ARHGEF11: variants seen among roughly 807,000 people sequenced by gnomAD.
The protein encoded by ARHGEF11 is Rho guanine exchange factor (GEF) 11.
A neutral mutation model predicts 193.7 loss-of-function variants in ARHGEF11; 55 were observed. The observed-to-expected ratio is 0.28, with a 90% CI of 0.23 to 0.36. The LOEUF (loss-of-function observed/expected upper bound fraction) is 0.36, where lower values mean the gene tolerates loss of function less well. ARHGEF11 is among the 10% of genes least tolerant of loss of function. The pLI, the probability that ARHGEF11 is intolerant of heterozygous loss-of-function variation, is 1.00. For synonymous variants in ARHGEF11, 693 were observed against 768.0 expected (o/e 0.90, Z 1.62); for missense variants, 1,723 against 2,005.6 (o/e 0.86, Z 2.69).
chr1:156,968,225 G>A, intron 10 of ARHGEF11, 101 bp from the exon 11 acceptor site: 1 of 1,329,968 alleles, frequency 7.5e-7, no homozygotes, highest in Non-Finnish European at 1.0e-6. Context: ...TATAACATCA[G>A]CTAAGAGAAG....
At chr1:156,978,628 C>T (rs774273706) in intron 5 of ARHGEF11, among the ~76,000 whole-genome samples, 2 of 152,192 alleles carry the variant, frequency 1.3e-5, no homozygotes, top group African/African-American at 2.4e-5. Context: ...TGGGAACACG[C>T]CCCACAGGCT....
At chr1:156,995,071 T>C (rs1666289194) in intron 1 of ARHGEF11, among the ~76,000 whole-genome samples, 1 of 152,156 alleles carries the variant, frequency 6.6e-6, no homozygotes, top group African/African-American at 2.4e-5. Context: ...CCTCCTAACA[T>C]TTCTGAAATC....
rs201677471 is a variant in ARHGEF11, at chr1:156,971,763, G to C, written c.636C>G (p.Ile212Met). 1.9e-6 allele frequency: 3 copies of C among 1,613,928 alleles called. No homozygotes were observed. The highest frequency in any genetic ancestry group is 2.5e-6 in the Non-Finnish European group (3 of 1,179,996). ...RNPASLLEEQ[I>M]EGARRRVTQL... ...GAGTGACTCGCCGCCGGGCACCTTCGATCTGCTCTTCCAGTAGGCTGGCGG... is the reference window on the plus strand; with the variant it reads ...GAGTGACTCGCCGCCGGGCACCTTCCATCTGCTCTTCCAGTAGGCTGGCGG... The change falls in exon 8 of 41, where the codon ATC becomes ATG. Residue 212 changes from isoleucine (I) to methionine (M), a missense_variant. Physicochemically the swap from Ile to Met is conservative, Grantham distance 10. This residue lies in a region of ARHGEF11 where 646 missense variants were observed against 710.7 expected (regional missense o/e 0.91). Transcript: ENST00000368194.
chr1:156,965,982 C>A (rs1449739327), intron 11 of ARHGEF11, among the ~76,000 whole-genome samples: 1 of 152,142 alleles, frequency 6.6e-6, no homozygotes, highest in East Asian at 1.9e-4. Context: ...CTACTATGTG[C>A]CAGGTGCCTA....
Position 157,002,382 on chromosome 1 carries a change from A to G in ARHGEF11, c.33-16209T>C, listed in dbSNP as rs540618174. On this transcript the variant is annotated intron_variant, in intron 1 of 40. Coordinates refer to ENST00000368194, the MANE Select transcript of ARHGEF11 (RefSeq NM_198236.3). Reference sequence around the variant, plus strand: ...TCAACAGAAATTTGTTGAATGCTGAATGACCAACCTTGAAATTCTAAATCC... The same window carrying G: ...TCAACAGAAATTTGTTGAATGCTGAGTGACCAACCTTGAAATTCTAAATCC... Among the ~76,000 whole-genome samples the G allele has an allele frequency of 5.3e-5, 8 of 152,308 alleles. No individual in the cohort carries two copies. The South Asian group carries it at 1.7e-3, about 32-fold the overall frequency.
chr1:156,997,908 T>C (rs889029060), intron 1 of ARHGEF11, among the ~76,000 whole-genome samples: 2 of 152,150 alleles, frequency 1.3e-5, no homozygotes, highest in African/African-American at 4.8e-5. Flanking sequence ...GTTTGCACTA[T>C]CTTTCTATTG....
In ARHGEF11 at chr1:156,956,516, G is replaced by A. The variant is rs1353584821; in HGVS notation, c.1575C>T (p.Ile525=). ...TGGAAGGTCGTGCCTCTCGAAGACGGATCCCAGCATGGCTCATGTAGGTAT... is the reference window on the plus strand; with the variant it reads ...TGGAAGGTCGTGCCTCTCGAAGACGAATCCCAGCATGGCTCATGTAGGTAT... ...ALNTYMSHAG[I]RLREARPSNT... The change falls in exon 19 of 41, where the codon ATC becomes ATT. Residue 525 remains isoleucine, a synonymous_variant. Transcript: ENST00000368194. 2 of 1,614,182 alleles carry A rather than the reference G, an allele frequency of 1.2e-6. No homozygotes were observed. Among genetic ancestry groups the A allele is most frequent in the Admixed American group, 3.3e-5 (2 of 60,028 alleles).
At chr1:157,026,360 G>A (rs989660219) in intron 1 of ARHGEF11, among the ~76,000 whole-genome samples, 2 of 152,274 alleles carry the variant, frequency 1.3e-5, no homozygotes, top group East Asian at 1.9e-4. Flanking sequence ...TTCCCCTAAT[G>A]GGAGTGCATT....
chr1:157,045,929 C>T (rs1018629528), upstream of ARHGEF11, among the ~76,000 whole-genome samples: 11 of 150,766 alleles, frequency 7.3e-5, no homozygotes, highest in Non-Finnish European at 1.5e-4. Context: ...CGCCGCCCGC[C>T]GGCCTTTCCC....
At chr1:156,957,892 G>GT (rs1215295299) in intron 17 of ARHGEF11, 77 bp from the exon 18 acceptor site, 4 of 1,476,020 alleles carry the variant, frequency 2.7e-6, no homozygotes, top group East Asian at 2.3e-5. Context: ...TAGGAGGAGG[G>GT]TAAGTTTTTC....
chr1:157,020,000 G>A (rs561834503), intron 1 of ARHGEF11, among the ~76,000 whole-genome samples: 138 of 151,960 alleles, frequency 9.1e-4, no homozygotes, highest in Admixed American at 2.3e-3. Context: ...GGTGGCGGGC[G>A]CCTGTAGTCC....
chr1:156,964,121 G>A (rs1020774115), intron 11 of ARHGEF11, among the ~76,000 whole-genome samples: 2 of 152,192 alleles, frequency 1.3e-5, no homozygotes, highest in Non-Finnish European at 2.9e-5. Context: ...AAATGGAGAT[G>A]CGGCTGATCT....
At chr1:157,019,510 A>T (rs1669699034) in intron 1 of ARHGEF11, among the ~76,000 whole-genome samples, 1 of 152,242 alleles carries the variant, frequency 6.6e-6, no homozygotes, top group Non-Finnish European at 1.5e-5. Flanking sequence ...CACATTTATC[A>T]TATGACCCAG....
intron 1 of ARHGEF11, among the ~76,000 whole-genome samples, chr1:157,025,536 G>A (rs1670539238): frequency 6.6e-6 from 1 of 152,122 alleles, no homozygotes. Flanking sequence ...TCCTGAACAT[G>A]CGGGTTCCTA....
chr1:156,960,797 GC>G (rs1557863568), intron 14 of ARHGEF11, among the ~76,000 whole-genome samples: 1 of 152,194 alleles, frequency 6.6e-6, no homozygotes. Context: ...AAAAGGAAAA[GC>G]CTTCATTAGG....
At chr1:157,002,862 G>A (rs1361212147) in intron 1 of ARHGEF11, among the ~76,000 whole-genome samples, 1 of 152,172 alleles carries the variant, frequency 6.6e-6, no homozygotes, top group East Asian at 1.9e-4. Context: ...TGCTGGCCCT[G>A]ACATTTATTA....
intron 1 of ARHGEF11, among the ~76,000 whole-genome samples, chr1:157,018,829 C>T (rs79770890): frequency 0.013 from 1,966 of 152,148 alleles, 38 homozygotes; most frequent in African/African-American, 0.045. Flanking sequence ...CACACATATA[C>T]GATCAATGGA....
intron 1 of ARHGEF11, among the ~76,000 whole-genome samples, chr1:157,037,489 C>A (rs1209231166): frequency 1.3e-5 from 2 of 152,176 alleles, no homozygotes; most frequent in African/African-American, 4.8e-5. Context: ...ATAATCTTAA[C>A]ACTTGGAGAC....
intron 20 of ARHGEF11, among the ~76,000 whole-genome samples, chr1:156,955,196 G>A (rs896356724): frequency 6.6e-6 from 1 of 152,118 alleles, no homozygotes; most frequent in Non-Finnish European, 1.5e-5. Context: ...AATGACACAC[G>A]CTGGGAAGAG....
Sources: allele counts gnomAD v4.1 joint callset (sites outside exome capture counted in the v4.1 genomes callset), GRCh38; gene constraint gnomAD v4.1.1; regional missense constraint gnomAD v4.1.1; transcripts MANE v1.5; gene names NCBI Gene and HGNC (gene_info 2026-07-23, HGNC 2026-07-21).